Variants in PLSCR2 observed in about 807,000 individuals in gnomAD.
PLSCR2 encodes the protein PL scramblase 2.
A neutral mutation model predicts 25.3 loss-of-function variants in PLSCR2; 18 were observed. The observed-to-expected ratio is 0.71, with a 90% CI of 0.49 to 1.06. The LOEUF (loss-of-function observed/expected upper bound fraction) is 1.06, where lower values mean the gene tolerates loss of function less well. PLSCR2 is among the 50% of genes least tolerant of loss of function. The pLI is 0.00. For missense variants in PLSCR2, 243 were observed against 269.5 expected (o/e 0.90, Z 0.69); for synonymous variants, 88 against 87.3 (o/e 1.01, Z -0.04).
intron 1 of PLSCR2, among the ~76,000 whole-genome samples, chr3:146,467,437 T>C (rs1223715979): frequency 6.6e-6 from 1 of 152,176 alleles, no homozygotes; most frequent in Admixed American, 6.5e-5. Flanking sequence ...GTAAATTTTA[T>C]GCACTTAAAA....
intron 1 of PLSCR2, among the ~76,000 whole-genome samples, chr3:146,485,444 G>A (rs1443694927): frequency 2.0e-5 from 3 of 152,090 alleles, no homozygotes; most frequent in Non-Finnish European, 4.4e-5. Flanking sequence ...TCTGGATCAA[G>A]TGGACTCTGA....
At chr3:146,411,524 C>T (rs1367611434) in intron 2 of PLSCR2, among the ~76,000 whole-genome samples, 2 of 152,228 alleles carry the variant, frequency 1.3e-5, no homozygotes, top group African/African-American at 2.4e-5. Context: ...GCTCCCCCTC[C>T]GAGCCAGCCG....
chr3:146,408,053 ATC>A (rs2038718016), intron 2 of PLSCR2, among the ~76,000 whole-genome samples: 1 of 152,164 alleles, frequency 6.6e-6, no homozygotes, highest in Non-Finnish European at 1.5e-5. Context: ...AGCATTTGAC[ATC>A]CATTCACCAG....
intron 1 of PLSCR2, among the ~76,000 whole-genome samples, chr3:146,477,181 G>C (rs1465152491): frequency 6.6e-6 from 1 of 152,184 alleles, no homozygotes; most frequent in Admixed American, 6.5e-5. Flanking sequence ...GCAGAAGATG[G>C]GGGATTTCTG....
At chr3:146,407,175 A>C (rs1015010868) in intron 2 of PLSCR2, among the ~76,000 whole-genome samples, 7 of 152,100 alleles carry the variant, frequency 4.6e-5, no homozygotes, top group African/African-American at 1.7e-4. Context: ...ACCTACCTAG[A>C]GCTCTGGGGT....
chr3:146,401,510 T>C (rs1010577771), intron 2 of PLSCR2: 1 of 152,562 alleles, frequency 6.6e-6, no homozygotes, highest in Admixed American at 6.5e-5. Context: ...TTCTCTGTCC[T>C]TGATTGTTCA....
At chr3:146,464,089 A>T (rs1304000906), upstream of PLSCR2, 15 of 364,994 alleles carry the variant, frequency 4.1e-5, no homozygotes, top group Non-Finnish European at 5.7e-5. Context: ...CTGGTCAGAA[A>T]TCAATGCTGT....
downstream of PLSCR2, among the ~76,000 whole-genome samples, chr3:146,433,109 T>C (rs1382137219): frequency 6.6e-6 from 1 of 152,182 alleles, no homozygotes; most frequent in Non-Finnish European, 1.5e-5. Flanking sequence ...ATTTATTGTG[T>C]TAGCTATCTA....
chr3:146,443,622 T>C (rs2040378232), intron 6 of PLSCR2, among the ~76,000 whole-genome samples: 1 of 152,056 alleles, frequency 6.6e-6, no homozygotes, highest in South Asian at 2.1e-4. Flanking sequence ...TTTTCATCTC[T>C]GATGTTATTT....
intron 1 of PLSCR2, among the ~76,000 whole-genome samples, chr3:146,480,852 G>A (rs1201324537): frequency 1.1e-4 from 17 of 151,786 alleles, no homozygotes; most frequent in Non-Finnish European, 2.2e-4. Context: ...CTGGCAAACC[G>A]AATCCAGCAG....
chr3:146,453,571 T>C (rs1020381534), intron 5 of PLSCR2, among the ~76,000 whole-genome samples: 2 of 152,074 alleles, frequency 1.3e-5, no homozygotes, highest in Admixed American at 6.6e-5. Flanking sequence ...CTTTGCCAAA[T>C]TGGGCTTTCT....
intron 2 of PLSCR2, among the ~76,000 whole-genome samples, chr3:146,404,329 C>T (rs1305555752): frequency 1.6e-4 from 24 of 152,096 alleles, no homozygotes; most frequent in Admixed American, 1.6e-3. Context: ...GGTGAGTGAA[C>T]ATATAAGAGA....
At chr3:146,449,390 ACTT>A in intron 5 of PLSCR2, 23 bp from the exon 6 acceptor site, 8 of 1,480,322 alleles carry the variant, frequency 5.4e-6, no homozygotes, top group South Asian at 1.2e-5. Flanking sequence ...AAAAAAAAAA[ACTT>A]AAAAATTTCT....
chr3:146,404,129 G>A (rs2038570287), intron 2 of PLSCR2, among the ~76,000 whole-genome samples: 4 of 152,144 alleles, frequency 2.6e-5, no homozygotes, highest in Non-Finnish European at 4.4e-5. Flanking sequence ...ATGCATCAGG[G>A]ATAAGAACCC....
chr3:146,482,966 A>C (rs1283086019), intron 1 of PLSCR2, among the ~76,000 whole-genome samples: 1 of 152,122 alleles, frequency 6.6e-6, no homozygotes, highest in East Asian at 1.9e-4. Flanking sequence ...TCAGAAAACT[A>C]TCACAAGAAC....
intron 1 of PLSCR2, among the ~76,000 whole-genome samples, chr3:146,472,920 G>A (rs532704417): frequency 2.6e-5 from 4 of 152,358 alleles, no homozygotes; most frequent in African/African-American, 9.6e-5. Flanking sequence ...CTTGCAGACA[G>A]TCCCTTTCTT....
intron 1 of PLSCR2, among the ~76,000 whole-genome samples, chr3:146,481,973 A>G (rs2043146781): frequency 6.6e-6 from 1 of 152,140 alleles, no homozygotes; most frequent in African/African-American, 2.4e-5. Flanking sequence ...ACAAAAAATG[A>G]AGAAAGGATT....
chr3:146,438,479 T>G (rs1255618304), downstream of PLSCR2, among the ~76,000 whole-genome samples: 2 of 152,222 alleles, frequency 1.3e-5, no homozygotes, highest in African/African-American at 4.8e-5. Context: ...GCATATATAT[T>G]TAGGATAGTT....
chr3:146,473,434 T>G (rs956874546), intron 1 of PLSCR2, among the ~76,000 whole-genome samples: 1 of 150,836 alleles, frequency 6.6e-6, no homozygotes, highest in South Asian at 2.1e-4. Flanking sequence ...CAGCCTCCCA[T>G]AGTTGGGATA....
Sources: allele counts gnomAD v4.1 joint callset (sites outside exome capture counted in the v4.1 genomes callset), GRCh38; gene constraint gnomAD v4.1.1; transcripts MANE v1.5; gene names NCBI Gene and HGNC (gene_info 2026-07-23, HGNC 2026-07-21).